CPLX4: variants seen among roughly 807,000 people sequenced by gnomAD.
CPLX4 encodes complexin 4, also known as complexin-4.
CPLX4 carries 17 observed loss-of-function variants against 16.1 expected under a neutral mutation model. That is an observed-to-expected ratio of 1.06 (90% confidence interval 0.72 to 1.59). The LOEUF (loss-of-function observed/expected upper bound fraction) is 1.59, where lower values mean the gene tolerates loss of function less well. Ranked by LOEUF, CPLX4 falls within the 40% of genes most tolerant of loss-of-function variation. The pLI is 0.00. For synonymous variants in CPLX4, 55 were observed against 57.8 expected (o/e 0.95, Z 0.22); for missense variants, 193 against 192.9 (o/e 1.00, Z 0.00).
rs1278855315 is a variant in CPLX4, at chr18:59,295,833, A to AAGAG, written c.*861_*864dup. The AAGAG allele has an allele frequency of 6.6e-6, 1 of 151,906 alleles. No individual in the cohort carries two copies. Among genetic ancestry groups the AAGAG allele is most frequent in the South Asian group, 2.1e-4 (1 of 4,822 alleles). 9.4% of individuals were successfully genotyped at this position (151,906 alleles called of 1,614,324 possible). A position where few individuals can be genotyped will look rare whatever the true frequency, so the allele number is the denominator to read the frequency against. On this transcript the variant is annotated 3_prime_UTR_variant, in exon 3 of 3. Transcript: ENST00000299721. ...GAGAGATAGGGAGAGAAGGGGATGA[A>AAGAG]AGAGAGAGAGAGGTTGGGAGGAGAC...
rs771555162 is a variant in CPLX4 at position 59,296,901 on chromosome 18, G to A, written c.280C>T (p.Gln94Ter). 1.2e-6 allele frequency: 2 copies of A among 1,611,504 alleles called. No individual in the cohort carries two copies. Among genetic ancestry groups the A allele is most frequent in the South Asian group, 2.2e-5 (2 of 89,992 alleles). The change falls in exon 3 of 3, where the codon CAG becomes TAG. Residue 94 changes from glutamine (Q) to a stop codon, truncating the protein, a stop_gained. Transcript: ENST00000299721. LOFTEE classifies it high-confidence loss of function. ...PKSEMDENQIQMAGDDVDLPE... is the reference protein window; with the variant it reads ...PKSEMDENQI Reference sequence around the variant, plus strand: ...AAATCCACATCATCTCCAGCCATCTGGATTTGATTCTCATCCATTTCACTC... The same window carrying A: ...AAATCCACATCATCTCCAGCCATCTAGATTTGATTCTCATCCATTTCACTC...
In CPLX4 at chr18:59,295,887, C is replaced by T. The variant is rs10871768; in HGVS notation, c.*811G>A. 37,607 of 151,904 alleles carry T rather than the reference C, an allele frequency of 0.25. 4,971 individuals are homozygous for T. The highest frequency in any genetic ancestry group is 0.34 in the Middle Eastern group (99 of 292). 9.4% of individuals were successfully genotyped at this position (151,904 alleles called of 1,614,324 possible). On this transcript the variant is annotated 3_prime_UTR_variant, in exon 3 of 3. Transcript: ENST00000299721. Reference sequence around the variant, plus strand: ...GAGAGATTGATTTAACTTCTTAATGCTCTCTGTTAGTCTACCCACTTTGTT... The same window carrying T: ...GAGAGATTGATTTAACTTCTTAATGTTCTCTGTTAGTCTACCCACTTTGTT...
chr18:59,306,059 GGAA>G (rs1568105572), intron 2 of CPLX4, among the ~76,000 whole-genome samples: 1 of 150,486 alleles, frequency 6.6e-6, no homozygotes, highest in African/African-American at 2.4e-5. Context: ...CTGAACATCT[GGAA>G]GAAGAAGGTT....
At chr18:59,305,452 G>C (rs902531950) in intron 2 of CPLX4, among the ~76,000 whole-genome samples, 18 of 152,188 alleles carry the variant, frequency 1.2e-4, no homozygotes, top group Non-Finnish European at 2.5e-4. Context: ...AAGACTCCAA[G>C]TAGAAAAGCT....
rs376176206 is a variant in CPLX4 at position 59,311,482 on chromosome 18, C to CT, written c.255+1202dup. 9.1e-3 allele frequency among the ~76,000 whole-genome samples: 1,388 copies of CT among 152,192 alleles called. 30 individuals carry two copies. The highest frequency in any genetic ancestry group is 0.032 in the African/African-American group (1,318 of 41,510). ...TAGTGCTTGTAGTTTCTAAAATCAG[C>CT]TTTTTCTGGGATCTGCTGGGGATCC... On this transcript the variant is annotated intron_variant, in intron 2 of 2. Coordinates refer to ENST00000299721, the MANE Select transcript of CPLX4 (RefSeq NM_181654.4).
chr18:59,312,553 TTATA>T, intron 2 of CPLX4, 128 bp downstream of exon 2: 7 of 188,764 alleles, frequency 3.7e-5, no homozygotes, highest in Admixed American at 6.4e-5. Flanking sequence ...ATATATATTT[TTATA>T]TATATATATA....
At chr18:59,313,252 G>T (rs2070630019) in intron 1 of CPLX4, among the ~76,000 whole-genome samples, 1 of 152,156 alleles carries the variant, frequency 6.6e-6, no homozygotes, top group Admixed American at 6.6e-5. Flanking sequence ...GAACCAGGCA[G>T]TTCTTTGAAG....
chr18:59,317,677 A>T (rs1406770389), intron 1 of CPLX4, among the ~76,000 whole-genome samples: 1 of 152,080 alleles, frequency 6.6e-6, no homozygotes, highest in African/African-American at 2.4e-5. Context: ...TGTTGATTTT[A>T]TGTCATAGGT....
At chr18:59,312,841 G>A in intron 1 of CPLX4, 69 bp from the exon 2 acceptor site, 1 of 809,028 alleles carries the variant, frequency 1.2e-6, no homozygotes, top group Non-Finnish European at 2.1e-6. Flanking sequence ...GTGCTCAGAG[G>A]AGCCAGACAC....
rs745727054 is a variant in CPLX4, at chr18:59,318,298, C to A, written c.165G>T (p.Glu55Asp). Reference sequence around the variant, plus strand: ...GAAATGAAATAGCATGTACTCACTTCTCCTCAATCATTTGCTTTTGATACT... The same window carrying A: ...GAAATGAAATAGCATGTACTCACTTATCCTCAATCATTTGCTTTTGATACT... ...YEEYQKQMIE[E>D]KMERDAAFTQ... The change falls in exon 1 of 3, where the codon GAG becomes GAT. Residue 55 changes from glutamate to aspartate, a missense_variant and splice_region_variant. Coordinates refer to ENST00000299721, the MANE Select transcript of CPLX4 (RefSeq NM_181654.4). 6.2e-7 allele frequency: 1 copy of A among 1,605,618 alleles called. No individual in the cohort carries two copies. The highest frequency in any genetic ancestry group is 8.5e-7 in the Non-Finnish European group (1 of 1,176,402).
intron 2 of CPLX4, among the ~76,000 whole-genome samples, chr18:59,298,093 A>ATT (rs200060703): frequency 7.1e-6 from 1 of 141,452 alleles, no homozygotes; most frequent in Non-Finnish European, 1.6e-5. Flanking sequence ...AGATTCCTTT[A>ATT]TTTTTTTTTT....
At chr18:59,317,928 C>T (rs919474204) in intron 1 of CPLX4, among the ~76,000 whole-genome samples, 31 of 151,678 alleles carry the variant, frequency 2.0e-4, no homozygotes, top group African/African-American at 7.0e-4. Context: ...AGACTTTCTA[C>T]GTGCTAAGAG....
intron 2 of CPLX4, among the ~76,000 whole-genome samples, chr18:59,310,166 C>T (rs2070607109): frequency 6.6e-6 from 1 of 152,096 alleles, no homozygotes; most frequent in Admixed American, 6.5e-5. Flanking sequence ...ATCAGTAAGC[C>T]ATGCAATGAA....
chr18:59,315,571 G>T (rs150793904), intron 1 of CPLX4, among the ~76,000 whole-genome samples: 2 of 152,124 alleles, frequency 1.3e-5, no homozygotes, highest in African/African-American at 4.8e-5. Flanking sequence ...CATTGATATG[G>T]TCATTGCCAA....
At chr18:59,300,289 C>T (rs1371837884) in intron 2 of CPLX4, among the ~76,000 whole-genome samples, 3 of 152,132 alleles carry the variant, frequency 2.0e-5, no homozygotes, top group South Asian at 2.1e-4. Context: ...GCCAAGATCA[C>T]GCCACTGAAC....
chr18:59,312,526 A>G (rs1004645135), intron 2 of CPLX4, among the ~76,000 whole-genome samples, 159 bp downstream of exon 2: 1 of 147,004 alleles, frequency 6.8e-6, no homozygotes, highest in Non-Finnish European at 1.5e-5. Flanking sequence ...CTGAATATGT[A>G]TATACATATC....
intron 2 of CPLX4, among the ~76,000 whole-genome samples, chr18:59,311,907 G>A (rs1466242086): frequency 6.6e-6 from 1 of 152,214 alleles, no homozygotes; most frequent in African/African-American, 2.4e-5. Flanking sequence ...GTGCTGAGAT[G>A]CATAAGATGG....
chr18:59,318,232 A>G, intron 1 of CPLX4, 64 bp downstream of exon 1: 1 of 1,494,146 alleles, frequency 6.7e-7, no homozygotes, highest in Non-Finnish European at 8.9e-7. Context: ...TGGAGAACTG[A>G]AGAAGGTATG....
chr18:59,312,109 G>T (rs891195490), intron 2 of CPLX4, among the ~76,000 whole-genome samples: 1 of 152,116 alleles, frequency 6.6e-6, no homozygotes, highest in African/African-American at 2.4e-5. Context: ...GATGATAATA[G>T]AACCTAAATG....
Sources: gnomAD v4.1 joint callset for allele counts (sites outside exome capture counted in the v4.1 genomes callset) on GRCh38, gnomAD v4.1.1 for gene constraint, MANE v1.5 for transcripts, NCBI Gene and HGNC (gene_info 2026-07-23, HGNC 2026-07-21) for gene names.